CFH: variants seen among roughly 807,000 people sequenced by gnomAD.
CFH encodes the protein complement factor H.
CFH carries 53 observed loss-of-function variants against 147.3 expected under a neutral mutation model. The observed-to-expected ratio is 0.36, with a 90% CI of 0.29 to 0.45. The LOEUF is 0.45. Among genes scored for constraint, CFH ranks in the 20% least tolerant of loss-of-function variants. The pLI, the probability that CFH is intolerant of heterozygous loss-of-function variation, is 1.00. For missense variants in CFH, 1,380 were observed against 1,498.0 expected (o/e 0.92, Z 1.30); for synonymous variants, 536 against 489.4 (o/e 1.10, Z -1.26).
At chr1:196,692,744 CTTTTTCTTTCTT>C (rs1349705984) in intron 9 of CFH, among the ~76,000 whole-genome samples, 24 of 131,542 alleles carry the variant, frequency 1.8e-4, no homozygotes, top group Non-Finnish European at 2.6e-4. Flanking sequence ...CCCTTCCTTT[CTTTTTCTTTCTT>C]TCTTTCTTTC....
intron 6 of CFH, among the ~76,000 whole-genome samples, chr1:196,681,295 A>G (rs955095090): frequency 1.3e-5 from 2 of 151,804 alleles, no homozygotes; most frequent in Non-Finnish European, 2.9e-5. Flanking sequence ...GTGACTCTGT[A>G]GCATTACTAC....
Position 196,676,716 on chromosome 1 carries a change from A to G in CFH, c.427+651A>G, listed in dbSNP as rs550513413. 3.9e-5 allele frequency among the ~76,000 whole-genome samples: 6 copies of G among 152,244 alleles called. No homozygotes were observed. In the East Asian group the frequency reaches 1.2e-3, roughly 29 times the overall value. ...GCAAGTGGAGAGAGATACAGAAGAA[A>G]CGTGATAATCATTCAAAAACTGTCA... is the stretch of plus-strand genomic sequence containing the variant. On this transcript the variant is annotated intron_variant, in intron 4 of 21. Transcript: ENST00000367429.
In CFH at chr1:196,715,671, A is replaced by G; in HGVS notation, c.1598A>G (p.Asp533Gly). The G allele has an allele frequency of 1.2e-6, 2 of 1,612,778 alleles. No homozygotes were observed. The highest frequency in any genetic ancestry group is 1.7e-5 in the Admixed American group (1 of 59,892). Residue 533 changes from aspartate to glycine, a missense_variant, in exon 11 of 22, where the codon GAC (aspartate) becomes GGC (glycine). By Grantham distance (94) the Asp-to-Gly change is moderately conservative. This residue lies in a region of CFH where 830 missense variants were observed against 821.4 expected (regional missense o/e 1.01). Transcript: ENST00000367429. ...TGGTTTAAGCTGAATGACACATTGG[A>G]CTATGAATGCCATGATGGTTATGAA... The part of the protein sequence containing the change: ...FTWFKLNDTL[D>G]YECHDGYESN...
At chr1:196,687,610 G>A (rs994254940) in intron 7 of CFH, among the ~76,000 whole-genome samples, 2 of 151,950 alleles carry the variant, frequency 1.3e-5, no homozygotes, top group Non-Finnish European at 2.9e-5. Flanking sequence ...AAATTCAATT[G>A]AGGCCTTTAA....
At chr1:196,688,007 A>T (rs750668761) in intron 7 of CFH, among the ~76,000 whole-genome samples, 5 of 152,000 alleles carry the variant, frequency 3.3e-5, no homozygotes, top group Non-Finnish European at 5.9e-5. Flanking sequence ...AATTTCTCTA[A>T]TCAAATACAA....
At chr1:196,707,617 C>T (rs888171677) in intron 9 of CFH, among the ~76,000 whole-genome samples, 18 of 152,244 alleles carry the variant, frequency 1.2e-4, no homozygotes, top group Admixed American at 5.2e-4. Context: ...TCACCACAGC[C>T]ATATAAAACC....
At chr1:196,737,029 T>C in intron 16 of CFH, 23 bp downstream of exon 16, 16 of 1,591,076 alleles carry the variant, frequency 1.0e-5, no homozygotes, top group Non-Finnish European at 1.4e-5. Context: ...TAATTTGTTT[T>C]ACATAATTCT....
At chr1:196,714,022 GAA>G in intron 10 of CFH, 105 bp downstream of exon 10, 1 of 1,026,764 alleles carries the variant, frequency 9.7e-7, no homozygotes, top group South Asian at 1.5e-5. Context: ...GAAAAGATAA[GAA>G]AAAAAAACCT....
intron 6 of CFH, among the ~76,000 whole-genome samples, chr1:196,681,658 C>T (rs1667663141): frequency 2.0e-5 from 3 of 151,750 alleles, no homozygotes; most frequent in Admixed American, 1.3e-4. Flanking sequence ...ATTGGGTACT[C>T]CTTTTCAGAA....
intron 18 of CFH, 84 bp downstream of exon 18, chr1:196,740,876 G>T (rs1168154728): frequency 7.5e-7 from 1 of 1,329,890 alleles, no homozygotes; most frequent in Non-Finnish European, 1.1e-6. Flanking sequence ...AGTAAACAGG[G>T]ACTCTAGAAA....
At chr1:196,690,024 T>A in intron 8 of CFH, 39 bp from the exon 9 acceptor site, 1 of 1,550,014 alleles carries the variant, frequency 6.5e-7, no homozygotes, top group Non-Finnish European at 8.8e-7. Context: ...TTTATGTTTC[T>A]CATTTACTTT....
At position 196,679,657 on chromosome 1, in the gene CFH, A is replaced by G; in HGVS notation, c.654A>G (p.Gly218=). 1 of 1,606,140 alleles carries G rather than the reference A, an allele frequency of 6.2e-7. No homozygotes were observed. The highest frequency in any genetic ancestry group is 2.2e-5 in the East Asian group (1 of 44,694). The change falls in exon 6 of 22, where the codon GGA becomes GGG. Residue 218 remains glycine (G), a synonymous_variant. Coordinates refer to ENST00000367429, the MANE Select transcript of CFH (RefSeq NM_000186.4). Reference sequence around the variant, plus strand: ...GCAAATCCCCAGATGTTATAAATGGATCTCCTATATCTCAGAAGATTATTT... The same window carrying G: ...GCAAATCCCCAGATGTTATAAATGGGTCTCCTATATCTCAGAAGATTATTT... ...ISCKSPDVIN[G]SPISQKIIYK...
Position 196,652,167 on chromosome 1 carries a change from T to A in CFH, c.50T>A (p.Val17Glu). The A allele has an allele frequency of 6.2e-7, 1 of 1,609,054 alleles. No homozygotes were observed. Among genetic ancestry groups the A allele is most frequent in the Non-Finnish European group, 8.5e-7 (1 of 1,175,456 alleles). ...TGCCTTATGTTATGGGCTATTTGTGTAGCAGAAGGTAAGATTAAAAGAGAC... is the reference window on the plus strand; with the variant it reads ...TGCCTTATGTTATGGGCTATTTGTGAAGCAGAAGGTAAGATTAAAAGAGAC... ...IICLMLWAIC[V>E]AEDCNELPPR... The change falls in exon 1 of 22, where the codon GTA becomes GAA. Residue 17 changes from valine (V) to glutamate (E), a missense_variant. Val to Glu is a moderately radical substitution (Grantham distance 121). Coordinates refer to ENST00000367429, the MANE Select transcript of CFH (RefSeq NM_000186.4).
chr1:196,665,363 T>C (rs539234410), intron 1 of CFH, among the ~76,000 whole-genome samples: 1 of 150,594 alleles, frequency 6.6e-6, no homozygotes, highest in East Asian at 1.9e-4. Flanking sequence ...AATAAATATA[T>C]TTATAAAATA....
Position 196,661,336 on chromosome 1 carries a change from A to C in CFH, c.58+9161A>C, listed in dbSNP as rs144469329. Among the ~76,000 whole-genome samples, 801 of 152,336 alleles carry C rather than the reference A, an allele frequency of 5.3e-3. 6 individuals carry two copies. The highest frequency in any genetic ancestry group is 0.018 in the African/African-American group (762 of 41,566). On this transcript the variant is annotated intron_variant, in intron 1 of 21. Coordinates refer to ENST00000367429, the MANE Select transcript of CFH (RefSeq NM_000186.4). Reference sequence around the variant, plus strand: ...TGTTTTCATATGGATTTGTTCCACCATGTTAATGGGCACTTCTAAAACTTT... The same window carrying C: ...TGTTTTCATATGGATTTGTTCCACCCTGTTAATGGGCACTTCTAAAACTTT...
In CFH at chr1:196,726,320, A is replaced by G. The variant is rs1043029177; in HGVS notation, c.1874-150A>G. 5 of 652,178 alleles carry G rather than the reference A, an allele frequency of 7.7e-6. No homozygotes were observed. In the African/African-American group the frequency reaches 9.1e-5, roughly 12 times the overall value. The allele number at this position is 652,178 out of a possible 1,614,324, so 40.4% of individuals were successfully genotyped here. On this transcript the variant is annotated intron_variant, in intron 12 of 21. Transcript: ENST00000367429. ...GACAATTTAGTATAAGTAATACAAT[A>G]TGAACACCATTCTTGATTGTTTAGG...
chr1:196,692,773 TC>T lies in CFH; in HGVS notation c.1336+2535del, dbSNP rs1558163648. Among the ~76,000 whole-genome samples, 588 of 85,384 alleles carry T rather than the reference TC, an allele frequency of 6.9e-3. 40 individuals carry two copies. Among genetic ancestry groups the T allele is most frequent in the African/African-American group, 0.025 (539 of 21,818 alleles). 56.0% of individuals were successfully genotyped at this position (85,384 alleles called of 152,430 possible). ...TTCTTTCTTTCTTTCTTTCTTTCTT[TC>T]TTTCTTTCTTTCTTTCTTTCTTTCT... On this transcript the variant is annotated intron_variant, in intron 9 of 21. Coordinates refer to ENST00000367429, the MANE Select transcript of CFH (RefSeq NM_000186.4).
At position 196,673,717 on chromosome 1, in the gene CFH, T is replaced by C. The variant is rs1050466453; in HGVS notation, c.245-140T>C. The stretch of plus-strand genomic sequence containing the variant: ...ATATAGTTTAAGTTCAATTATGAAA[T>C]AATGGCTTTGCTATGTTTAATTTTC... On this transcript the variant is annotated intron_variant, in intron 2 of 21. Transcript: ENST00000367429. 4.5e-6 allele frequency: 3 copies of C among 672,398 alleles called. No homozygotes were observed. In the African/African-American group the frequency reaches 5.5e-5, roughly 12 times the overall value. The allele number at this position is 672,398 out of a possible 1,614,324, so 41.7% of individuals were successfully genotyped here.
intron 14 of CFH, among the ~76,000 whole-genome samples, chr1:196,727,763 G>C (rs1329230842): frequency 1.3e-5 from 2 of 152,088 alleles, no homozygotes; most frequent in Admixed American, 6.6e-5. Flanking sequence ...TGCAGGGTTG[G>C]TGGGCCACAG....
Sources: allele counts gnomAD v4.1 joint callset (sites outside exome capture counted in the v4.1 genomes callset), GRCh38; gene constraint gnomAD v4.1.1; regional missense constraint gnomAD v4.1.1; transcripts MANE v1.5; gene names NCBI Gene and HGNC (gene_info 2026-07-23, HGNC 2026-07-21).